The following PLAGL1 variants were observed in gnomAD, a reference collection of about 807,000 sequenced individuals.
PLAGL1 encodes PLAG1 like zinc finger 1, also known as zinc finger protein PLAGL1.
PLAGL1 carries 1 observed loss-of-function variant against 4.6 expected under a neutral mutation model. The observed-to-expected ratio is 0.22, with a 90% CI of 0.08 to 1.03. The LOEUF is 1.03. PLAGL1 is among the 50% of genes least tolerant of loss of function. The probability of loss-of-function intolerance (pLI) is 0.58; values close to 1 mark genes in which losing one functional copy is unlikely to be tolerated. For missense variants in PLAGL1, 464 were observed against 570.4 expected (o/e 0.81, Z 1.90); for synonymous variants, 240 against 237.8 (o/e 1.01, Z -0.08).
chr6:143,999,806 T>C (rs752072274), intron 1 of PLAGL1, among the ~76,000 whole-genome samples: 1 of 152,340 alleles, frequency 6.6e-6, no homozygotes, highest in Non-Finnish European at 1.5e-5. Flanking sequence ...CTTATTATGA[T>C]AATTTAAATT....
intron 1 of PLAGL1, among the ~76,000 whole-genome samples, chr6:144,045,192 A>C (rs1039740406): frequency 2.6e-5 from 4 of 151,476 alleles, no homozygotes; most frequent in African/African-American, 9.7e-5. Context: ...CATTTAAGGT[A>C]AATATTGTTA....
rs961364762 is a variant in PLAGL1, at chr6:143,944,790, T to C, written c.153-2127A>G. Reference sequence around the variant, plus strand: ...CACACTCAGTATTTAAACCTTTTTTTTTTTTTTTCTGGCCCAGTACTGGTG... The same window carrying C: ...CACACTCAGTATTTAAACCTTTTTTCTTTTTTTTCTGGCCCAGTACTGGTG... On this transcript the variant is annotated intron_variant, in intron 7 of 7. Transcript: ENST00000674357. 1.7e-3 allele frequency among the ~76,000 whole-genome samples: 253 copies of C among 152,206 alleles called. 3 individuals are homozygous for C. The East Asian group carries it at 0.026, about 16-fold the overall frequency.
rs1442600436 is a variant in PLAGL1, at chr6:143,984,904, G to A, written c.-544+231C>T. 6.6e-6 allele frequency among the ~76,000 whole-genome samples: 1 copy of A among 151,994 alleles called. No individual in the cohort carries two copies. The highest frequency in any genetic ancestry group is 1.5e-5 in the Non-Finnish European group (1 of 67,984). On this transcript the variant is annotated intron_variant, in intron 2 of 7. Transcript: ENST00000674357. The surrounding 1 kb of genome is among the most constrained non-coding windows in gnomAD (Gnocchi z 5.5). ...AACTCTGATAAGAAGTCACTATAAG[G>A]AAACAAATGCCCCTAGGCCAAGACA... is the stretch of plus-strand genomic sequence containing the variant.
At chr6:143,946,318 T>C (rs1288504910) in intron 7 of PLAGL1, among the ~76,000 whole-genome samples, 2 of 152,362 alleles carry the variant, frequency 1.3e-5, no homozygotes, top group East Asian at 3.9e-4. Context: ...CTCTTCTATG[T>C]GTCTCAGTCT....
chr6:144,027,273 AAGAAAG>A lies in PLAGL1; in HGVS notation c.-151+37189_-151+37194del. Among the ~76,000 whole-genome samples the A allele has an allele frequency of 6.8e-6, 1 of 146,612 alleles. No homozygotes were observed. Among genetic ancestry groups the A allele is most frequent in the Admixed American group, 7.3e-5 (1 of 13,778 alleles). On this transcript the variant is annotated intron_variant, in intron 1 of 3. Coordinates refer to the PLAGL1 transcript ENST00000437412. This position sits in a 1 kb window ranked among gnomAD's most constrained non-coding sequence, Gnocchi z 5.8. The stretch of plus-strand genomic sequence containing the variant: ...AAAGAAAGAAAGAAAGAAAGAAAGA[AAGAAAG>A]AAAGAAAGAAAGAAAGTTATTTGAT...
At chr6:144,047,387 A>G (rs1798245229) in intron 1 of PLAGL1, among the ~76,000 whole-genome samples, 1 of 152,154 alleles carries the variant, frequency 6.6e-6, no homozygotes, top group Admixed American at 6.5e-5. Flanking sequence ...TCTCAACATT[A>G]TAAGGTAAGC....
At chr6:144,025,007 G>A (rs1285016163) in intron 1 of PLAGL1, among the ~76,000 whole-genome samples, 1 of 152,154 alleles carries the variant, frequency 6.6e-6, no homozygotes, top group Non-Finnish European at 1.5e-5. Context: ...TTAAGCATAG[G>A]CTGCATGTAC....
At position 143,945,359 on chromosome 6, in the gene PLAGL1, C is replaced by T. The variant is rs999225363; in HGVS notation, c.152+2626G>A. ...CTCACATTAGGACCTCCAACCTTGC[C>T]AAATCATCTTTTCTTGCCTGTTATT... On this transcript the variant is annotated intron_variant, in intron 7 of 7. Transcript: ENST00000674357. The surrounding 1 kb of genome is among the most constrained non-coding windows in gnomAD (Gnocchi z 4.2). Among the ~76,000 whole-genome samples the T allele has an allele frequency of 1.3e-5, 2 of 152,160 alleles. No individual in the cohort carries two copies. The highest frequency in any genetic ancestry group is 2.9e-5 in the Non-Finnish European group (2 of 68,040).
At chr6:144,002,884 T>TTC (rs2128663117) in intron 1 of PLAGL1, among the ~76,000 whole-genome samples, 1 of 5,796 alleles carries the variant, frequency 1.7e-4, no homozygotes, top group African/African-American at 5.7e-4. Context: ...TCTGGTAGGC[T>TTC]TTTTTTTTTT....
rs1271191138 is a variant in PLAGL1 at position 143,964,083 on chromosome 6, C to T, written c.-399+704G>A. On this transcript the variant is annotated intron_variant, in intron 5 of 7. Transcript: ENST00000674357. The surrounding 1 kb of genome is among the most constrained non-coding windows in gnomAD (Gnocchi z 4.3). ...CACTCTCCCTTCCATCCCCCCATGG[C>T]CAACCCCCCATCCCAGGGCCTGATA... Among the ~76,000 whole-genome samples, 3 of 152,008 alleles carry T rather than the reference C, an allele frequency of 2.0e-5. No homozygotes were observed. The highest frequency in any genetic ancestry group is 4.8e-5 in the African/African-American group (2 of 41,364).
chr6:144,030,150 G>A (rs889722496), intron 1 of PLAGL1, among the ~76,000 whole-genome samples: 10 of 147,936 alleles, frequency 6.8e-5, no homozygotes, highest in Non-Finnish European at 1.5e-4. Context: ...AGCTATTTGG[G>A]AAGCTGAGGC....
intron 1 of PLAGL1, among the ~76,000 whole-genome samples, chr6:143,993,313 AAAC>A (rs1322502872): frequency 2.9e-5 from 4 of 136,846 alleles, no homozygotes; most frequent in South Asian, 2.4e-4. Context: ...GAAAACAAAA[AAAC>A]AAAAAACAAA....
In PLAGL1 at chr6:143,982,051, C is replaced by T. The variant is rs1181339780; in HGVS notation, c.-544+3084G>A. ...TGAACAAAACACGCAAAAATTCCTA[C>T]CCTTGTGAAGCGCACCAATGAATTA... On this transcript the variant is annotated intron_variant, in intron 2 of 7. Transcript: ENST00000674357. The surrounding 1 kb of genome is among the most constrained non-coding windows in gnomAD (Gnocchi z 5.3). Among the ~76,000 whole-genome samples, 1 of 152,144 alleles carries T rather than the reference C, an allele frequency of 6.6e-6. No individual in the cohort carries two copies. The highest frequency in any genetic ancestry group is 6.6e-5 in the Admixed American group (1 of 15,262).
rs1328058103 is a variant in PLAGL1 at position 143,984,461 on chromosome 6, A to T, written c.-544+674T>A. The stretch of plus-strand genomic sequence containing the variant: ...ATGACCATATGCTCATTTTCCATAT[A>T]ATATCAGTTAACATCCTAAGGAATG... On this transcript the variant is annotated intron_variant, in intron 2 of 7. Coordinates refer to ENST00000674357, the MANE Select transcript of PLAGL1 (RefSeq NM_001317162.2). This position sits in a 1 kb window ranked among gnomAD's most constrained non-coding sequence, Gnocchi z 5.5. Among the ~76,000 whole-genome samples the T allele has an allele frequency of 6.6e-6, 1 of 152,056 alleles. No homozygotes were observed. Among genetic ancestry groups the T allele is most frequent in the Admixed American group, 6.6e-5 (1 of 15,254 alleles).
chr6:144,020,206 A>C (rs1452749124), intron 1 of PLAGL1, among the ~76,000 whole-genome samples: 1 of 152,196 alleles, frequency 6.6e-6, no homozygotes, highest in South Asian at 2.1e-4. Flanking sequence ...CTAATCTTGC[A>C]CTTCCCAGCT....
In PLAGL1 at chr6:143,957,976, G is replaced by C. The variant is rs1306827802; in HGVS notation, c.-325+2493C>G. On this transcript the variant is annotated intron_variant, in intron 6 of 7. Coordinates refer to ENST00000674357, the MANE Select transcript of PLAGL1 (RefSeq NM_001317162.2). The surrounding 1 kb of genome is among the most constrained non-coding windows in gnomAD (Gnocchi z 4.2). The stretch of plus-strand genomic sequence containing the variant: ...TAGGAGTATACCCGGTTGACAAATG[G>C]AGGAGGCATATTGCAGAGGCAGAGG... 6.6e-6 allele frequency among the ~76,000 whole-genome samples: 1 copy of C among 152,208 alleles called. No homozygotes were observed. The highest frequency in any genetic ancestry group is 1.9e-4 in the East Asian group (1 of 5,200).
rs1554277683 is a variant in PLAGL1 at position 144,027,234 on chromosome 6, C to CGAAAGAAAGAACGAAA, written c.-151+37233_-151+37234insTTTCGTTCTTTCTTTC. On this transcript the variant is annotated intron_variant, in intron 1 of 3. Coordinates refer to the PLAGL1 transcript ENST00000437412. This position sits in a 1 kb window ranked among gnomAD's most constrained non-coding sequence, Gnocchi z 5.8. Reference sequence around the variant, plus strand: ...GAAAGACCCCAACTCAAAGAACGAACGAAAGAAAGAAAGAAAGAAAGAAAG... The same window carrying CGAAAGAAAGAACGAAA: ...GAAAGACCCCAACTCAAAGAACGAACGAAAGAAAGAACGAAAGAAAGAAAGAAAGAAAGAAAGAAAG... Among the ~76,000 whole-genome samples, 8 of 111,550 alleles carry CGAAAGAAAGAACGAAA rather than the reference C, an allele frequency of 7.2e-5. No homozygotes were observed. Among genetic ancestry groups the CGAAAGAAAGAACGAAA allele is most frequent in the Non-Finnish European group, 1.3e-4 (7 of 55,096 alleles). The allele number at this position is 111,550 out of a possible 152,430, so 73.2% of individuals were successfully genotyped here.
chr6:143,983,135 G>A lies in PLAGL1; in HGVS notation c.-544+2000C>T, dbSNP rs544091501. Among the ~76,000 whole-genome samples, 1 of 152,298 alleles carries A rather than the reference G, an allele frequency of 6.6e-6. No individual in the cohort carries two copies. Among genetic ancestry groups the A allele is most frequent in the Middle Eastern group, 3.4e-3 (1 of 294 alleles). On this transcript the variant is annotated intron_variant, in intron 2 of 7. Coordinates refer to ENST00000674357, the MANE Select transcript of PLAGL1 (RefSeq NM_001317162.2). The surrounding 1 kb of genome is among the most constrained non-coding windows in gnomAD (Gnocchi z 6.6). Reference sequence around the variant, plus strand: ...TAAGAGTAGTCACATGCAATAGGAAGGCAGTTGGGAAAGTGTGCAGACTCA... The same window carrying A: ...TAAGAGTAGTCACATGCAATAGGAAAGCAGTTGGGAAAGTGTGCAGACTCA...
rs1583846779 is a variant in PLAGL1, at chr6:144,042,129, T to C, written c.-151+22339A>G. Among the ~76,000 whole-genome samples the C allele has an allele frequency of 2.0e-5, 3 of 152,344 alleles. No individual in the cohort carries two copies. In the South Asian group the frequency reaches 6.2e-4, roughly 32 times the overall value. ...ATTTTCTCCCATTCTGTAGGTTACCTGTTCACTCTGATGGTAGTTTCTTTT... is the reference window on the plus strand; with the variant it reads ...ATTTTCTCCCATTCTGTAGGTTACCCGTTCACTCTGATGGTAGTTTCTTTT... On this transcript the variant is annotated intron_variant, in intron 1 of 3. Transcript: ENST00000437412.
Sources: allele counts gnomAD v4.1 joint callset (sites outside exome capture counted in the v4.1 genomes callset), GRCh38; gene constraint gnomAD v4.1.1; non-coding constraint Gnocchi (gnomAD v3.1); transcripts MANE v1.5; gene names NCBI Gene and HGNC (gene_info 2026-07-23, HGNC 2026-07-21).